The following PRKCZ variants were observed in gnomAD, a reference collection of about 807,000 sequenced individuals.
PRKCZ encodes protein kinase C zeta.
PRKCZ carries 33 observed loss-of-function variants against 79.5 expected under a neutral mutation model. The observed-to-expected ratio is 0.41, with a 90% CI of 0.31 to 0.55. The LOEUF (loss-of-function observed/expected upper bound fraction) is 0.55, where lower values mean the gene tolerates loss of function less well. PRKCZ is among the 20% of genes least tolerant of loss of function. The probability of loss-of-function intolerance (pLI) is 0.19; values close to 1 mark genes in which losing one functional copy is unlikely to be tolerated. For missense variants in PRKCZ, 578 were observed against 813.5 expected (o/e 0.71, Z 3.52); for synonymous variants, 342 against 320.9 (o/e 1.07, Z -0.70).
intron 9 of PRKCZ, 101 bp downstream of exon 9, chr1:2,151,079 CTCACGT>C (rs1468625903): frequency 7.4e-7 from 1 of 1,356,228 alleles, no homozygotes; most frequent in African/African-American, 1.5e-5. Flanking sequence ...GAGACCTAGC[CTCACGT>C]TGACGGAGTT....
At chr1:2,111,628 G>C (rs1297654780) in intron 4 of PRKCZ, 1 of 152,382 alleles carries the variant, frequency 6.6e-6, no homozygotes, top group East Asian at 1.9e-4. Flanking sequence ...GAGTTCTCCA[G>C]TCTGGGCTGG....
chr1:2,147,516 CATCT>C (rs1678858491), intron 7 of PRKCZ, among the ~76,000 whole-genome samples: 1 of 149,862 alleles, frequency 6.7e-6, no homozygotes. Context: ...TCCATCTGTT[CATCT>C]ATCTGTTGTC....
At chr1:2,091,016 C>T (rs1195149436) in intron 4 of PRKCZ, among the ~76,000 whole-genome samples, 1 of 152,172 alleles carries the variant, frequency 6.6e-6, no homozygotes, top group Non-Finnish European at 1.5e-5. Flanking sequence ...GGTCAGAGAG[C>T]TGTGGCCCAC....
At chr1:2,153,943 A>G (rs1188552913) in intron 9 of PRKCZ, among the ~76,000 whole-genome samples, 1 of 152,192 alleles carries the variant, frequency 6.6e-6, no homozygotes, top group Non-Finnish European at 1.5e-5. Flanking sequence ...TTCCCCCAGG[A>G]GTCACTGGCA....
At chr1:2,070,346 A>G (rs1162267123) in intron 4 of PRKCZ, among the ~76,000 whole-genome samples, 1 of 152,054 alleles carries the variant, frequency 6.6e-6, no homozygotes, top group East Asian at 1.9e-4. Flanking sequence ...TGGCTTCTGG[A>G]GCCTGGAACG....
Position 2,125,962 on chromosome 1 carries a change from C to T in PRKCZ, c.335-9300C>T, listed in dbSNP as rs904522307. ...CATATTGGCCACTGTGGGAGAGAGT[C>T]GGGCAGCTGAATTCCCGCAGGTGGG... On this transcript the variant is annotated intron_variant, in intron 4 of 17. Transcript: ENST00000378567. This position sits in a 1 kb window ranked among gnomAD's most constrained non-coding sequence, Gnocchi z 4.2. Among the ~76,000 whole-genome samples, 5 of 152,168 alleles carry T rather than the reference C, an allele frequency of 3.3e-5. No individual in the cohort carries two copies. The highest frequency in any genetic ancestry group is 7.2e-5 in the African/African-American group (3 of 41,452).
chr1:2,050,086 G>A (rs768094602), upstream of PRKCZ: 2 of 151,540 alleles, frequency 1.3e-5, no homozygotes, highest in Admixed American at 6.6e-5. Context: ...CGATTCGGAG[G>A]GTCTGGGCGA....
intron 10 of PRKCZ, among the ~76,000 whole-genome samples, chr1:2,166,808 TA>T (rs1279128777): frequency 1.3e-5 from 2 of 152,212 alleles, no homozygotes; most frequent in Non-Finnish European, 2.9e-5. Context: ...ACTGAGGGGC[TA>T]CGGGTGAAGC....
At chr1:2,144,017 A>G (rs1677957659) in intron 5 of PRKCZ, 193 bp from the exon 6 acceptor site, 1 of 704,418 alleles carries the variant, frequency 1.4e-6, no homozygotes, top group Non-Finnish European at 2.2e-6. Flanking sequence ...GGTTCCCCCA[A>G]CCTTGGGATA....
intron 4 of PRKCZ, among the ~76,000 whole-genome samples, chr1:2,085,525 A>G (rs1214121891): frequency 1.3e-5 from 2 of 152,232 alleles, no homozygotes; most frequent in Non-Finnish European, 2.9e-5. Context: ...CGTTTTTCAC[A>G]ACTCTTGTCC....
rs149363802 is a variant in PRKCZ, at chr1:2,073,123, C to T, written c.334+13532C>T. Reference sequence around the variant, plus strand: ...GGGCTGGCCACAGCCAGGCACAGCACAGCCCGTGAGGTCTGGTCTTGGGAA... The same window carrying T: ...GGGCTGGCCACAGCCAGGCACAGCATAGCCCGTGAGGTCTGGTCTTGGGAA... On this transcript the variant is annotated intron_variant, in intron 4 of 17. Coordinates refer to ENST00000378567, the MANE Select transcript of PRKCZ (RefSeq NM_002744.6). 4.6e-3 allele frequency among the ~76,000 whole-genome samples: 697 copies of T among 152,208 alleles called. 8 individuals are homozygous for T. Among genetic ancestry groups the T allele is most frequent in the African/African-American group, 0.016 (667 of 41,530 alleles).
chr1:2,055,555 C>T lies in PRKCZ; in HGVS notation c.186C>T (p.Asp62=). Residue 62 remains aspartate (D), a synonymous_variant, in exon 2 of 18, where the codon GAC becomes GAT. Coordinates refer to ENST00000378567, the MANE Select transcript of PRKCZ (RefSeq NM_002744.6). The stretch of plus-strand genomic sequence containing the variant: ...ACCCGCTCACCCTCAAGTGGGTGGA[C>T]AGCGAAGGTAGCCCTTGTCCCATGT... ...QQHPLTLKWV[D]SEGDPCTVSS... is the part of the protein sequence containing the mutation. 3 of 1,613,276 alleles carry T rather than the reference C, an allele frequency of 1.9e-6. No individual in the cohort carries two copies. The South Asian group carries it at 3.3e-5, about 18-fold the overall frequency.
intron 4 of PRKCZ, among the ~76,000 whole-genome samples, chr1:2,106,465 C>T (rs1280913184): frequency 2.0e-5 from 3 of 149,128 alleles, no homozygotes; most frequent in Non-Finnish European, 4.4e-5. Context: ...CAGCAAGCCC[C>T]TCCAGTGGGC....
chr1:2,114,625 T>C (rs1296422607), intron 4 of PRKCZ, among the ~76,000 whole-genome samples: 1 of 151,960 alleles, frequency 6.6e-6, no homozygotes, highest in Admixed American at 6.6e-5. Flanking sequence ...AATACAAAAA[T>C]TAGCCGAGTG....
chr1:2,144,199 C>T lies in PRKCZ; in HGVS notation c.421-11C>T, dbSNP rs1380448334. 19 of 1,551,380 alleles carry T rather than the reference C, an allele frequency of 1.2e-5. No individual in the cohort carries two copies. Among genetic ancestry groups the T allele is most frequent in the Non-Finnish European group, 1.7e-5 (19 of 1,146,784 alleles). ...TGTGGCCTGGGCCTGACGCTCTGTTCCCACCTGCAGAGAGCGTACTGCGGT... is the reference window on the plus strand; with the variant it reads ...TGTGGCCTGGGCCTGACGCTCTGTTTCCACCTGCAGAGAGCGTACTGCGGT... On this transcript the variant is annotated splice_polypyrimidine_tract_variant and intron_variant, in intron 5 of 17. Transcript: ENST00000378567.
At chr1:2,083,407 T>C (rs527420203) in intron 4 of PRKCZ, among the ~76,000 whole-genome samples, 15 of 152,318 alleles carry the variant, frequency 9.8e-5, no homozygotes, top group African/African-American at 3.6e-4. Flanking sequence ...CAGTGTGAAC[T>C]GTACTGAAAA....
At chr1:2,083,282 C>G (rs369115599) in intron 4 of PRKCZ, among the ~76,000 whole-genome samples, 1 of 152,106 alleles carries the variant, frequency 6.6e-6, no homozygotes, top group South Asian at 2.1e-4. Flanking sequence ...CTGTTCCCTC[C>G]TCACCAGTCT....
intron 4 of PRKCZ, among the ~76,000 whole-genome samples, chr1:2,109,480 C>T (rs1359844397): frequency 6.6e-6 from 1 of 152,178 alleles, no homozygotes; most frequent in South Asian, 2.1e-4. Context: ...CAGGTGTGGT[C>T]GTGAATATTA....
Position 2,127,584 on chromosome 1 carries a change from C to G in PRKCZ, c.335-7678C>G, listed in dbSNP as rs1245941389. Among the ~76,000 whole-genome samples the G allele has an allele frequency of 6.6e-6, 1 of 152,242 alleles. No individual in the cohort carries two copies. The highest frequency in any genetic ancestry group is 2.4e-5 in the African/African-American group (1 of 41,472). ...GCAGAAGGAATGAAGGACTTCTGTT[C>G]AGACAGCTCTGCTGGGAGCGTTCTG... On this transcript the variant is annotated intron_variant, in intron 4 of 17. Transcript: ENST00000378567. The surrounding 1 kb of genome is among the most constrained non-coding windows in gnomAD (Gnocchi z 5.1).
Sources: allele counts gnomAD v4.1 joint callset (sites outside exome capture counted in the v4.1 genomes callset), GRCh38; gene constraint gnomAD v4.1.1; non-coding constraint Gnocchi (gnomAD v3.1); transcripts MANE v1.5; gene names NCBI Gene and HGNC (gene_info 2026-07-23, HGNC 2026-07-21).